GABRG2: variants seen among roughly 807,000 people sequenced by gnomAD.
The protein encoded by GABRG2 is gamma-aminobutyric acid type A receptor subunit gamma2, also known as gamma-aminobutyric acid receptor subunit gamma-2.
In GABRG2, 16 loss-of-function variants were observed where a neutral mutation model predicts 56.4. The ratio of observed to expected loss-of-function variants is 0.28; its 90% CI spans 0.19 to 0.43. The LOEUF is 0.43. GABRG2 is among the 20% of genes least tolerant of loss of function. The pLI, the probability that GABRG2 is intolerant of heterozygous loss-of-function variation, is 1.00. For missense variants in GABRG2, 327 were observed against 582.7 expected (o/e 0.56, Z 4.52); for synonymous variants, 208 against 205.5 (o/e 1.01, Z -0.10).
intron 8 of GABRG2, chr5:162,150,950 T>G (rs1008095639): frequency 1.3e-5 from 2 of 152,302 alleles, no homozygotes; most frequent in African/African-American, 4.8e-5. Flanking sequence ...TGTGTTGTTT[T>G]TGTTTGCTCC....
chr5:162,117,666 T>A (rs1343276926), intron 6 of GABRG2, among the ~76,000 whole-genome samples: 1 of 152,172 alleles, frequency 6.6e-6, no homozygotes, highest in Non-Finnish European at 1.5e-5. Flanking sequence ...TATTGCCATA[T>A]GGCTAGTTAT....
chr5:162,093,712 T>G, intron 1 of GABRG2, 116 bp from the exon 2 acceptor site: 1 of 974,756 alleles, frequency 1.0e-6, no homozygotes. Flanking sequence ...GGGAGAATTT[T>G]CAGTTTAAAC....
intron 7 of GABRG2, among the ~76,000 whole-genome samples, chr5:162,148,522 A>G (rs1425944314): frequency 6.6e-6 from 1 of 152,172 alleles, no homozygotes; most frequent in Non-Finnish European, 1.5e-5. Context: ...TCTCCCTGCA[A>G]TTGGAATAAA....
At chr5:162,138,101 G>A (rs911668411) in intron 6 of GABRG2, among the ~76,000 whole-genome samples, 2 of 151,708 alleles carry the variant, frequency 1.3e-5, no homozygotes, top group African/African-American at 4.8e-5. Context: ...TTACACAGTC[G>A]ACCCCATAAC....
At chr5:162,078,584 T>G in intron 1 of GABRG2, among the ~76,000 whole-genome samples, 1 of 151,006 alleles carries the variant, frequency 6.6e-6, no homozygotes, top group African/African-American at 2.4e-5. Flanking sequence ...TTTTTACATT[T>G]TTAGTAGAGA....
rs553521496 is a variant in GABRG2, at chr5:162,083,458, A to G, written c.108-10370A>G. On this transcript the variant is annotated intron_variant, in intron 1 of 9. Coordinates refer to ENST00000639213, the MANE Select transcript of GABRG2 (RefSeq NM_198904.4). ...ATATGAACGTTTTTGCTACAGAAAA[A>G]ATCAAAAGTTTTATCGGTTCCTCAA... The G allele has an allele frequency of 3.8e-4, 61 of 160,518 alleles. No individual in the cohort carries two copies. In the South Asian group the frequency reaches 8.4e-3, roughly 22 times the overall value. 9.9% of individuals were successfully genotyped at this position (160,518 alleles called of 1,614,324 possible).
chr5:162,154,479 T>TGAGAAA lies in GABRG2; in HGVS notation c.*1111_*1112insGAGAAA. ...TCTGTGCTGGCCTGAAACCAGTGAC[T>TGAGAAA]CATCTTCTCACATAGGTGTTGTCAA... On this transcript the variant is annotated 3_prime_UTR_variant, in exon 10 of 10. Transcript: ENST00000639213. 6.6e-6 allele frequency: 1 copy of TGAGAAA among 152,320 alleles called. No individual in the cohort carries two copies. The highest frequency in any genetic ancestry group is 2.1e-4 in the South Asian group (1 of 4,830). 9.4% of individuals were successfully genotyped at this position (152,320 alleles called of 1,614,324 possible).
In GABRG2 at chr5:162,154,637, T is replaced by C. The variant is rs781573317; in HGVS notation, c.*1269T>C. On this transcript the variant is annotated 3_prime_UTR_variant, in exon 10 of 10. Transcript: ENST00000639213. ...AATATTTATGTCCTATGTTTGTGTA[T>C]AGACATGACTCTACTAGGGCATAAT... 3.9e-5 allele frequency: 6 copies of C among 152,160 alleles called. No individual in the cohort carries two copies. Among genetic ancestry groups the C allele is most frequent in the Non-Finnish European group, 7.4e-5 (5 of 68,022 alleles). The allele number at this position is 152,160 out of a possible 1,614,324, so 9.4% of individuals were successfully genotyped here. A position where few individuals can be genotyped will look rare whatever the true frequency, so the allele number is the denominator to read the frequency against.
At chr5:162,074,974 C>A (rs1023292139) in intron 1 of GABRG2, among the ~76,000 whole-genome samples, 3 of 152,028 alleles carry the variant, frequency 2.0e-5, no homozygotes, top group Admixed American at 1.3e-4. Context: ...AGTGGAGCTA[C>A]CTCCCACTAT....
chr5:162,122,592 A>G (rs563447867), intron 6 of GABRG2, among the ~76,000 whole-genome samples: 16 of 151,870 alleles, frequency 1.1e-4, no homozygotes, highest in Non-Finnish European at 1.9e-4. Flanking sequence ...AATGTTTTTT[A>G]TCTTCATGAC....
rs147187637 is a variant in GABRG2 at position 162,087,648 on chromosome 5, A to G, written c.108-6180A>G. On this transcript the variant is annotated intron_variant, in intron 1 of 9. Transcript: ENST00000639213. Reference sequence around the variant, plus strand: ...AGAGAGAGATAGAAAAAATTCTAAGATTTTGAATACGTAGTTAAGGAACTG... The same window carrying G: ...AGAGAGAGATAGAAAAAATTCTAAGGTTTTGAATACGTAGTTAAGGAACTG... Among the ~76,000 whole-genome samples, 1,117 of 152,166 alleles carry G rather than the reference A, an allele frequency of 7.3e-3. 15 individuals are homozygous for G. Among genetic ancestry groups the G allele is most frequent in the African/African-American group, 0.024 (1,010 of 41,546 alleles).
intron 6 of GABRG2, among the ~76,000 whole-genome samples, chr5:162,109,631 T>A (rs1401165925): frequency 6.6e-6 from 1 of 151,776 alleles, no homozygotes; most frequent in Non-Finnish European, 1.5e-5. Flanking sequence ...AATGGTGGTA[T>A]TAATCACTTG....
At chr5:162,124,791 C>T (rs748507674) in intron 6 of GABRG2, among the ~76,000 whole-genome samples, 4 of 151,772 alleles carry the variant, frequency 2.6e-5, no homozygotes, top group Non-Finnish European at 5.9e-5. Context: ...TTATACCTAG[C>T]TCTTTCTAAA....
chr5:162,103,192 A>C (rs1257170687), intron 5 of GABRG2: 3 of 153,854 alleles, frequency 1.9e-5, no homozygotes, highest in Non-Finnish European at 4.3e-5. Flanking sequence ...ACACTTGTCC[A>C]GGGTAGAATG....
chr5:162,081,407 C>T (rs1759655234), intron 1 of GABRG2, among the ~76,000 whole-genome samples: 1 of 151,946 alleles, frequency 6.6e-6, no homozygotes, highest in African/African-American at 2.4e-5. Flanking sequence ...TATATTTGTT[C>T]TCTTGAGTAC....
intron 1 of GABRG2, among the ~76,000 whole-genome samples, chr5:162,089,527 T>C (rs1760399094): frequency 6.6e-6 from 1 of 152,138 alleles, no homozygotes; most frequent in South Asian, 2.1e-4. Flanking sequence ...TTTTGACGTA[T>C]AAAATACTTT....
At chr5:162,144,555 T>C (rs1764817764) in intron 7 of GABRG2, among the ~76,000 whole-genome samples, 2 of 152,222 alleles carry the variant, frequency 1.3e-5, no homozygotes, top group South Asian at 4.1e-4. Context: ...ATGGTCTCTA[T>C]GTCTTTTCTA....
intron 6 of GABRG2, among the ~76,000 whole-genome samples, chr5:162,128,801 G>C (rs1272149279): frequency 6.6e-6 from 1 of 151,906 alleles, no homozygotes; most frequent in African/African-American, 2.4e-5. Context: ...TCAGTATCAT[G>C]GACCAAAATC....
intron 6 of GABRG2, among the ~76,000 whole-genome samples, chr5:162,121,255 C>A (rs1228361695): frequency 6.6e-6 from 1 of 152,036 alleles, no homozygotes; most frequent in Non-Finnish European, 1.5e-5. Flanking sequence ...ACTATTATTT[C>A]AATGATACAA....
Sources: allele counts gnomAD v4.1 joint callset (sites outside exome capture counted in the v4.1 genomes callset), GRCh38; gene constraint gnomAD v4.1.1; transcripts MANE v1.5; gene names NCBI Gene and HGNC (gene_info 2026-07-23, HGNC 2026-07-21).